Variants in TMLHE observed in about 807,000 individuals in gnomAD.
The protein encoded by TMLHE is trimethyllysine dioxygenase, mitochondrial.
A neutral mutation model predicts 25.7 loss-of-function variants in TMLHE; 18 were observed. The observed-to-expected ratio is 0.70, with a 90% CI of 0.48 to 1.04. TMLHE has a LOEUF of 1.04. Among genes scored for constraint, TMLHE ranks in the 50% least tolerant of loss-of-function variants. The pLI is 0.00. For synonymous variants in TMLHE, 105 were observed against 97.0 expected (o/e 1.08, Z -0.49); for missense variants, 236 against 259.0 (o/e 0.91, Z 0.61).
At chrX:155,528,562 C>G (rs782035090) in intron 2 of TMLHE, among the ~76,000 whole-genome samples, 3 of 111,774 alleles carry the variant, frequency 2.7e-5, no homozygotes, top group Non-Finnish European at 5.6e-5. Flanking sequence ...TTAGCTCCCA[C>G]TTGTAAGTAA....
At chrX:155,605,429 G>T (rs1282827185) in intron 1 of TMLHE, among the ~76,000 whole-genome samples, 2 of 111,386 alleles carry the variant, frequency 1.8e-5, no homozygotes, top group Non-Finnish European at 3.8e-5. Flanking sequence ...AGAGATTGGG[G>T]GCCTAGATTC....
rs1369493940 is a variant in TMLHE, at chrX:155,572,960, G to A, written c.-1-27683C>T. Among the ~76,000 whole-genome samples the A allele has an allele frequency of 1.2e-4, 7 of 57,560 alleles. 2 individuals are homozygous for A. The highest frequency in any genetic ancestry group is 2.5e-4 in the African/African-American group (6 of 24,249). 50.0% of individuals were successfully genotyped at this position (57,560 alleles called of 115,157 possible). A position where few individuals can be genotyped will look rare whatever the true frequency, so the allele number is the denominator to read the frequency against. ...TCATGTCTAAAACACCAAAAGCAAT[G>A]GCAACAAAAGACAAAATTGACAAAT... On this transcript the variant is annotated intron_variant, in intron 1 of 7. Coordinates refer to ENST00000334398, the MANE Select transcript of TMLHE (RefSeq NM_018196.4).
In TMLHE at chrX:155,548,965, G is replaced by C. The variant is rs370053824; in HGVS notation, c.-1-3688C>G. 3.6e-5 allele frequency among the ~76,000 whole-genome samples: 4 copies of C among 110,357 alleles called. No individual in the cohort carries two copies. In the Admixed American group the frequency reaches 3.8e-4, roughly 11 times the overall value. The stretch of plus-strand genomic sequence containing the variant: ...GATGTCTGACAATAGCAAGTATAGA[G>C]GTCTTGCACATCTTTCATTGAATTC... On this transcript the variant is annotated intron_variant, in intron 1 of 7. Transcript: ENST00000334398.
At chrX:155,544,982 A>G in intron 2 of TMLHE, 114 bp downstream of exon 2, 1 of 777,426 alleles carries the variant, frequency 1.3e-6, no homozygotes, top group South Asian at 2.4e-5. Context: ...TAAATTTTGT[A>G]CTATGTGTTT....
intron 1 of TMLHE, among the ~76,000 whole-genome samples, chrX:155,610,422 C>T (rs1557348205): frequency 9.0e-6 from 1 of 111,684 alleles, no homozygotes; most frequent in Admixed American, 9.5e-5. Context: ...GATGGTTGCA[C>T]CACCCAATAA....
At chrX:155,511,919 A>G in intron 4 of TMLHE, 127 bp from the exon 5 acceptor site, 1 of 666,212 alleles carries the variant, frequency 1.5e-6, no homozygotes, top group Non-Finnish European at 2.1e-6. Context: ...TCCAGAATTT[A>G]ATCCATAAGG....
At chrX:155,587,859 C>A (rs1461968785) in intron 1 of TMLHE, among the ~76,000 whole-genome samples, 5 of 111,743 alleles carry the variant, frequency 4.5e-5, no homozygotes, top group African/African-American at 1.6e-4. Flanking sequence ...GAGAACAGAA[C>A]AACTGGAAAA....
chrX:155,544,916 A>G (rs373920962), intron 2 of TMLHE, among the ~76,000 whole-genome samples, 180 bp downstream of exon 2: 2 of 112,092 alleles, frequency 1.8e-5, no homozygotes, highest in African/African-American at 6.5e-5. Flanking sequence ...GACCACACAA[A>G]AGGTATTTAT....
At chrX:155,529,507 CTTG>C (rs1331294255) in intron 2 of TMLHE, among the ~76,000 whole-genome samples, 3 of 111,948 alleles carry the variant, frequency 2.7e-5, no homozygotes, top group African/African-American at 9.7e-5. Context: ...CTTGCCAACA[CTTG>C]TTATCTCTTG....
chrX:155,566,818 C>T (rs1292332488), intron 1 of TMLHE, among the ~76,000 whole-genome samples: 4 of 61,877 alleles, frequency 6.5e-5, no homozygotes, highest in Admixed American at 3.8e-4. Flanking sequence ...TAAAATCTCT[C>T]TTCATTCTTC....
At chrX:155,535,779 A>G (rs1232762968) in intron 2 of TMLHE, among the ~76,000 whole-genome samples, 1 of 111,873 alleles carries the variant, frequency 8.9e-6, no homozygotes, top group Non-Finnish European at 1.9e-5. Context: ...TACTCTTTCC[A>G]ATGAAATTTA....
intron 1 of TMLHE, among the ~76,000 whole-genome samples, chrX:155,608,029 T>C (rs1018535203): frequency 1.8e-5 from 2 of 111,439 alleles, no homozygotes; most frequent in East Asian, 5.5e-4. Context: ...AAACTACCAA[T>C]GGCATTCTTC....
Position 155,574,255 on chromosome X carries a change from T to C in TMLHE, c.-1-28978A>G, listed in dbSNP as rs144149894. Among the ~76,000 whole-genome samples the C allele has an allele frequency of 7.9e-3, 823 of 104,467 alleles. 68 individuals carry two copies. The highest frequency in any genetic ancestry group is 0.033 in the African/African-American group (782 of 23,952). 90.7% of individuals were successfully genotyped at this position (104,467 alleles called of 115,157 possible). ...ACATATCACTGGGGGTTTGGCAGAC[T>C]ACGTATATTTACAAACTGCACACTT... On this transcript the variant is annotated intron_variant, in intron 1 of 7. Transcript: ENST00000334398.
chrX:155,575,755 A>G (rs1318921520), intron 1 of TMLHE, among the ~76,000 whole-genome samples: 2 of 112,446 alleles, frequency 1.8e-5, no homozygotes, highest in African/African-American at 6.5e-5. Context: ...AACAAAAACT[A>G]CATGATTATT....
chrX:155,605,849 C>G (rs1307893799), intron 1 of TMLHE, among the ~76,000 whole-genome samples: 1 of 111,319 alleles, frequency 9.0e-6, no homozygotes, highest in Non-Finnish European at 1.9e-5. Context: ...TTCAAGAGTC[C>G]CATCTCACAT....
chrX:155,524,170 G>A, intron 3 of TMLHE: 1 of 229,695 alleles, frequency 4.4e-6, no homozygotes, highest in Admixed American at 6.9e-5. Context: ...ATAAATAAGA[G>A]TGGTGAGAGT....
intron 1 of TMLHE, among the ~76,000 whole-genome samples, chrX:155,549,876 G>A (rs782657884): frequency 4.6e-5 from 5 of 108,957 alleles, no homozygotes; most frequent in Non-Finnish European, 9.5e-5. Flanking sequence ...CCCTCCCCTA[G>A]CCCCCACTCC....
chrX:155,596,544 A>G (rs968804030), intron 1 of TMLHE, among the ~76,000 whole-genome samples: 18 of 111,835 alleles, frequency 1.6e-4, no homozygotes, highest in Non-Finnish European at 1.9e-4. Context: ...AGAGAACATC[A>G]TGAAAGTCTG....
At chrX:155,557,233 T>C (rs1557341027) in intron 1 of TMLHE, among the ~76,000 whole-genome samples, 1 of 112,258 alleles carries the variant, frequency 8.9e-6, no homozygotes, top group African/African-American at 3.2e-5. Context: ...TAAGTGTCCA[T>C]GAAATCTTTA....
Sources: gnomAD v4.1 joint callset for allele counts (sites outside exome capture counted in the v4.1 genomes callset) on GRCh38, gnomAD v4.1.1 for gene constraint, MANE v1.5 for transcripts, NCBI Gene and HGNC (gene_info 2026-07-23, HGNC 2026-07-21) for gene names.